Variants in C1QTNF9 observed in about 807,000 individuals in gnomAD.
C1QTNF9 encodes C1q and TNF related 9.
A neutral mutation model predicts 10.1 loss-of-function variants in C1QTNF9; 6 were observed. The observed-to-expected ratio is 0.59, with a 90% CI of 0.32 to 1.17. The LOEUF (loss-of-function observed/expected upper bound fraction) is 1.17, where lower values mean the gene tolerates loss of function less well. C1QTNF9 is among the 50% of genes most tolerant of loss of function. C1QTNF9 has a pLI of 0.04. For missense variants in C1QTNF9, 201 were observed against 418.8 expected, an observed-to-expected ratio of 0.48 and a Z score of 4.54; for synonymous variants, 98 against 163.5, an observed-to-expected ratio of 0.60 and a Z score of 3.06.
chr13:24,321,816 G>A (rs1251045243), exon 4 of C1QTNF9: 15 of 1,504,158 alleles, frequency 1.0e-5, no homozygotes, highest in Non-Finnish European at 1.3e-5. Flanking sequence ...GAATCAGCTT[G>A]GGATGAACTT....
intron 1 of C1QTNF9, among the ~76,000 whole-genome samples, chr13:24,312,277 C>T (rs1877855389): frequency 6.6e-6 from 1 of 152,196 alleles, no homozygotes; most frequent in Non-Finnish European, 1.5e-5. Flanking sequence ...CTTCATAAAG[C>T]TCTAACCCAG....
chr13:24,317,405 C>A (rs965366740), intron 2 of C1QTNF9, among the ~76,000 whole-genome samples: 17 of 151,862 alleles, frequency 1.1e-4, no homozygotes, highest in Non-Finnish European at 2.1e-4. Context: ...TATTCAATAC[C>A]AAATTTCTCT....
At chr13:24,307,937 A>G (rs1305924509), upstream of C1QTNF9, among the ~76,000 whole-genome samples, 1 of 152,220 alleles carries the variant, frequency 6.6e-6, no homozygotes, top group East Asian at 1.9e-4. Context: ...TGTAAGCAGG[A>G]GGCCAGGATC....
chr13:24,318,430 C>G (rs1377929329), intron 2 of C1QTNF9, among the ~76,000 whole-genome samples: 1 of 152,162 alleles, frequency 6.6e-6, no homozygotes, highest in Non-Finnish European at 1.5e-5. Context: ...GGAAGAGAAA[C>G]AGAGTGAGGA....
intron 2 of C1QTNF9, among the ~76,000 whole-genome samples, chr13:24,317,477 T>A (rs1433912506): frequency 6.6e-6 from 1 of 152,140 alleles, no homozygotes; most frequent in South Asian, 2.1e-4. Flanking sequence ...TCAAGTTTTA[T>A]ATACTTCTTA....
chr13:24,312,811 C>T (rs1269087412), intron 1 of C1QTNF9, among the ~76,000 whole-genome samples: 9 of 151,946 alleles, frequency 5.9e-5, no homozygotes, highest in East Asian at 3.9e-4. Flanking sequence ...AAAAATTACC[C>T]GGGCATGGTA....
chr13:24,319,644 G>A (rs1878172812), intron 3 of C1QTNF9, among the ~76,000 whole-genome samples: 1 of 152,228 alleles, frequency 6.6e-6, no homozygotes, highest in South Asian at 2.1e-4. Flanking sequence ...TTGGCCTGTG[G>A]CTGTAGTTTG....
chr13:24,316,433 C>T (rs1878041408), intron 2 of C1QTNF9, among the ~76,000 whole-genome samples: 1 of 152,162 alleles, frequency 6.6e-6, no homozygotes, highest in African/African-American at 2.4e-5. Context: ...GACCCCTGCC[C>T]TCCTGGGTTC....
intron 1 of C1QTNF9, 129 bp from the exon 2 acceptor site, chr13:24,315,853 C>T (rs1565955915): frequency 1.1e-6 from 1 of 943,194 alleles, no homozygotes; most frequent in Non-Finnish European, 1.6e-6. Context: ...AGCCTTCTGT[C>T]CAAGTTTGTG....
chr13:24,321,290 C>T (rs1878252632), exon 4 of C1QTNF9: 3 of 1,520,862 alleles, frequency 2.0e-6, no homozygotes, highest in East Asian at 4.7e-5. Flanking sequence ...CAGGGTGAGC[C>T]AGGAGTCCGG....
chr13:24,310,205 G>A (rs1362443371), intron 1 of C1QTNF9, among the ~76,000 whole-genome samples: 3 of 151,406 alleles, frequency 2.0e-5, no homozygotes, highest in East Asian at 3.9e-4. Context: ...CCAGACTGGA[G>A]TGCAGTGGCA....
intron 1 of C1QTNF9, chr13:24,315,685 G>T: frequency 2.1e-6 from 1 of 484,358 alleles, no homozygotes; most frequent in Non-Finnish European, 3.6e-6. Flanking sequence ...GTTCAGAAAA[G>T]TGATTTCTTC....
chr13:24,308,520 C>T (rs1223688991), upstream of C1QTNF9, among the ~76,000 whole-genome samples: 2 of 152,232 alleles, frequency 1.3e-5, no homozygotes, highest in African/African-American at 2.4e-5. Flanking sequence ...CACCTGGGAC[C>T]ACGGCATTGT....
intron 1 of C1QTNF9, among the ~76,000 whole-genome samples, chr13:24,310,704 G>T (rs1877781598): frequency 6.6e-6 from 1 of 151,284 alleles, no homozygotes; most frequent in Admixed American, 6.6e-5. Context: ...ATGAGGTCAG[G>T]AGATCAAGAC....
intron 2 of C1QTNF9, among the ~76,000 whole-genome samples, chr13:24,317,164 C>T (rs1878070121): frequency 6.6e-6 from 1 of 152,090 alleles, no homozygotes; most frequent in South Asian, 2.1e-4. Context: ...CTGTTCCAGT[C>T]CCCAGGTAGC....
At chr13:24,315,488 A>G (rs1355153424) in intron 1 of C1QTNF9, among the ~76,000 whole-genome samples, 1 of 152,236 alleles carries the variant, frequency 6.6e-6, no homozygotes, top group Admixed American at 6.5e-5. Flanking sequence ...AAATAATGCA[A>G]CTACGAACAT....
intron 2 of C1QTNF9, among the ~76,000 whole-genome samples, chr13:24,318,022 G>A (rs975939034): frequency 1.3e-5 from 2 of 152,104 alleles, no homozygotes; most frequent in South Asian, 2.1e-4. Context: ...CCTGCAAGCC[G>A]GCCCAGCCTG....
exon 4 of C1QTNF9, chr13:24,321,796 C>T: frequency 2.0e-6 from 3 of 1,526,266 alleles, no homozygotes; most frequent in Middle Eastern, 3.6e-4. Context: ...ATCCGCCACA[C>T]CATCCATCAG....
upstream of C1QTNF9, among the ~76,000 whole-genome samples, chr13:24,308,501 C>G (rs1244073308): frequency 1.3e-5 from 2 of 152,226 alleles, no homozygotes; most frequent in Non-Finnish European, 2.9e-5. Context: ...CTAATTAGAT[C>G]CCGCCGCCCA....
Sources: allele counts gnomAD v4.1 joint callset (sites outside exome capture counted in the v4.1 genomes callset), GRCh38; gene constraint gnomAD v4.1.1; transcripts MANE v1.5; gene names NCBI Gene and HGNC (gene_info 2026-07-23, HGNC 2026-07-21).